The following CAST variants were observed in gnomAD, a reference collection of about 807,000 sequenced individuals.
The protein encoded by CAST is MIR583 host.
Under a neutral mutation model 119.6 loss-of-function variants are expected in CAST, and 76 were observed. The observed-to-expected ratio is 0.64, with a 90% confidence interval of 0.53 to 0.77. CAST has a LOEUF of 0.77. CAST is among the 30% of genes least tolerant of loss of function. The pLI, the probability that CAST is intolerant of heterozygous loss-of-function variation, is 0.00. For synonymous variants in CAST, 319 were observed against 331.6 expected, an observed-to-expected ratio of 0.96 and a Z score of 0.41; for missense variants, 953 against 946.5, an observed-to-expected ratio of 1.01 and a Z score of -0.09.
intron 1 of CAST, among the ~76,000 whole-genome samples, chr5:96,561,388 A>T (rs891797223): frequency 6.6e-6 from 1 of 151,960 alleles, no homozygotes; most frequent in Admixed American, 6.6e-5. Context: ...TAAAAAAATT[A>T]AAAAGAATGA....
At chr5:96,498,608 T>C in the CAST span, among the ~76,000 whole-genome samples, 2,978 of 152,278 alleles carry the variant, frequency 0.02, 98 homozygotes, top group African/African-American at 0.066. Flanking sequence ...AGTAGCAGTG[T>C]GTAATAAAAT....
the CAST span, among the ~76,000 whole-genome samples, chr5:96,083,696 GGA>G: frequency 6.6e-6 from 1 of 152,230 alleles, no homozygotes; most frequent in African/African-American, 2.4e-5. Flanking sequence ...TAGGAGGTCT[GGA>G]GGGCACCATA....
At chr5:96,763,063 A>G (rs939283813) in intron 25 of CAST, 1 of 764,982 alleles carries the variant, frequency 1.3e-6, no homozygotes, top group Non-Finnish European at 2.4e-6. Flanking sequence ...CCAGATCCCC[A>G]TCTCCTTTGG....
the CAST span, among the ~76,000 whole-genome samples, chr5:96,416,981 A>G: frequency 6.6e-6 from 1 of 152,154 alleles, no homozygotes; most frequent in Admixed American, 6.5e-5. Context: ...GAATTCATTT[A>G]TTTCGTGATT....
At chr5:96,571,875 G>A (rs1746576022) in intron 1 of CAST, among the ~76,000 whole-genome samples, 1 of 152,118 alleles carries the variant, frequency 6.6e-6, no homozygotes, top group South Asian at 2.1e-4. Context: ...CTTTACTGAT[G>A]CACCCTAAAA....
the CAST span, among the ~76,000 whole-genome samples, chr5:96,519,347 A>G: frequency 6.6e-6 from 1 of 152,230 alleles, no homozygotes; most frequent in Admixed American, 6.5e-5. Context: ...AATATGCTGC[A>G]GCTGGTGGTT....
chr5:96,625,332 A>G (rs748509053), intron 1 of CAST, among the ~76,000 whole-genome samples: 7 of 151,652 alleles, frequency 4.6e-5, no homozygotes, highest in Non-Finnish European at 1.0e-4. Flanking sequence ...TAGAAAGTAG[A>G]ATATGAATTT....
At chr5:96,108,489 G>A in the CAST span, among the ~76,000 whole-genome samples, 1 of 152,192 alleles carries the variant, frequency 6.6e-6, no homozygotes, top group South Asian at 2.1e-4. Context: ...GGCCGTGTGA[G>A]GTGTCAGTCT....
the CAST span, among the ~76,000 whole-genome samples, chr5:96,424,163 G>T: frequency 6.6e-6 from 1 of 152,182 alleles, no homozygotes; most frequent in Non-Finnish European, 1.5e-5. Flanking sequence ...GTAAAAGAAT[G>T]CCAGGTACCC....
At chr5:96,176,747 C>T in the CAST span, among the ~76,000 whole-genome samples, 1 of 152,196 alleles carries the variant, frequency 6.6e-6, no homozygotes, top group Non-Finnish European at 1.5e-5. Context: ...AGGACCTTTT[C>T]ATAACCCTGT....
the CAST span, among the ~76,000 whole-genome samples, chr5:96,253,392 C>T: frequency 1.3e-5 from 2 of 152,092 alleles, 1 homozygote; most frequent in South Asian, 4.1e-4. Flanking sequence ...CATAAAATCT[C>T]TGGGGGTGGG....
chr5:96,308,222 C>G, the CAST span, among the ~76,000 whole-genome samples: 22 of 151,692 alleles, frequency 1.5e-4, no homozygotes, highest in Non-Finnish European at 1.5e-5. Flanking sequence ...TCTCTGATAG[C>G]CTTTCTTCTG....
the CAST span, among the ~76,000 whole-genome samples, chr5:96,330,079 C>T: frequency 5.9e-5 from 9 of 152,192 alleles, no homozygotes; most frequent in African/African-American, 2.2e-4. Context: ...TGCCAAAGAA[C>T]AATGAGTCAG....
At chr5:96,192,069 T>C in the CAST span, among the ~76,000 whole-genome samples, 2 of 152,070 alleles carry the variant, frequency 1.3e-5, no homozygotes, top group Non-Finnish European at 2.9e-5. Flanking sequence ...TGGAGGGCCT[T>C]TACGTAAATT....
At chr5:95,962,161 A>G in the CAST span, 13 of 309,952 alleles carry the variant, frequency 4.2e-5, no homozygotes, top group East Asian at 5.7e-4. Flanking sequence ...TTGGAAGTCC[A>G]GGTTGCCTGG....
At chr5:96,534,616 C>A (rs1314163421) in intron 1 of CAST, among the ~76,000 whole-genome samples, 1 of 149,006 alleles carries the variant, frequency 6.7e-6, no homozygotes, top group African/African-American at 2.5e-5. Flanking sequence ...TTGTAGTGAG[C>A]TGAGATCATG....
chr5:96,532,888 G>A (rs1166434877), intron 1 of CAST, among the ~76,000 whole-genome samples: 1 of 151,952 alleles, frequency 6.6e-6, no homozygotes, highest in Non-Finnish European at 1.5e-5. Flanking sequence ...CAGCCAGGAT[G>A]GTGGTGCACA....
intron 2 of CAST, among the ~76,000 whole-genome samples, chr5:96,677,308 C>T (rs1346101553): frequency 6.6e-6 from 1 of 152,102 alleles, no homozygotes; most frequent in African/African-American, 2.4e-5. Flanking sequence ...GGATGCAAAG[C>T]CAATACTAAT....
At chr5:96,633,002 G>T (rs758084808) in intron 1 of CAST, among the ~76,000 whole-genome samples, 24 of 152,172 alleles carry the variant, frequency 1.6e-4, no homozygotes, top group Non-Finnish European at 2.6e-4. Flanking sequence ...ACAGAATTTT[G>T]CTCTAGTTGC....
Sources: gnomAD v4.1 joint callset for allele counts (sites outside exome capture counted in the v4.1 genomes callset) on GRCh38, gnomAD v4.1.1 for gene constraint, MANE v1.5 for transcripts, NCBI Gene and HGNC (gene_info 2026-07-23, HGNC 2026-07-21) for gene names.